AFAP1: variants seen among roughly 807,000 people sequenced by gnomAD.
AFAP1 encodes the protein actin filament associated protein 1.
A neutral mutation model predicts 93.9 loss-of-function variants in AFAP1; 75 were observed. The observed-to-expected ratio is 0.80, with a 90% confidence interval of 0.66 to 0.97. The LOEUF (loss-of-function observed/expected upper bound fraction) is 0.97. Ranked by LOEUF, AFAP1 falls within the 50% of genes least tolerant of loss-of-function variation. The pLI is 0.00. For missense variants in AFAP1, 1,201 were observed against 1,050.8 expected, an observed-to-expected ratio of 1.14 and a Z score of -1.98; for synonymous variants, 517 against 430.7, an observed-to-expected ratio of 1.20 and a Z score of -2.48.
At position 7,868,683 on chromosome 4, in the gene AFAP1, G is replaced by T; in HGVS notation, c.164C>A (p.Thr55Asn). 1.9e-6 allele frequency: 3 copies of T among 1,613,506 alleles called. No individual in the cohort carries two copies. Among genetic ancestry groups the T allele is most frequent in the Non-Finnish European group, 2.5e-6 (3 of 1,179,940 alleles). Residue 55 changes from threonine (T) to asparagine (N), a missense_variant, in exon 3 of 18, where the codon ACC becomes AAC. By Grantham distance (65) the Thr-to-Asn change is moderately conservative. Transcript: ENST00000420658. ...DVKDHAQKQE[T>N]ANSLPAPPQM... is the part of the protein sequence containing the mutation. ...AGGAGGGGCTGGCAGGCTGTTAGCG[G>T]TCTCCTGCTTCTGAGCATGGTCCTT...
intron 10 of AFAP1, among the ~76,000 whole-genome samples, chr4:7,798,201 T>G (rs1324163094): frequency 8.3e-6 from 1 of 120,908 alleles, no homozygotes; most frequent in Non-Finnish European, 1.8e-5. Context: ...CTCTATTGGC[T>G]GGCTCACGGC....
At chr4:7,779,514 A>T (rs1311412176) in intron 13 of AFAP1, among the ~76,000 whole-genome samples, 4 of 152,240 alleles carry the variant, frequency 2.6e-5, no homozygotes, top group Admixed American at 6.5e-5. Context: ...ATTTTGCTGA[A>T]GTGACCTTAT....
intron 16 of AFAP1, among the ~76,000 whole-genome samples, chr4:7,770,735 G>A (rs11938080): frequency 0.37 from 55,584 of 152,042 alleles, 12,776 homozygotes; most frequent in Non-Finnish European, 0.53. Flanking sequence ...AGGAAGCCCA[G>A]CCCCTCCACT....
intron 6 of AFAP1, among the ~76,000 whole-genome samples, chr4:7,834,717 G>A (rs1447321315): frequency 6.6e-6 from 1 of 152,218 alleles, no homozygotes; most frequent in Non-Finnish European, 1.5e-5. Context: ...CAATGGCTCA[G>A]TGGGAAGAGA....
In AFAP1 at chr4:7,823,363, A is replaced by G. The variant is rs143718186; in HGVS notation, c.727-4192T>C. Among the ~76,000 whole-genome samples the G allele has an allele frequency of 3.9e-3, 587 of 152,352 alleles. 5 individuals are homozygous for G. Among genetic ancestry groups the G allele is most frequent in the African/African-American group, 0.014 (564 of 41,578 alleles). On this transcript the variant is annotated intron_variant, in intron 6 of 17. Coordinates refer to ENST00000420658, the MANE Select transcript of AFAP1 (RefSeq NM_001134647.2). The stretch of plus-strand genomic sequence containing the variant: ...GAAAGAAACGTAGGCCATCACTAAA[A>G]TAAGAAGAGCCTCATGACCAAGCTT...
chr4:7,921,910 G>A (rs1445679249), intron 1 of AFAP1, among the ~76,000 whole-genome samples: 1 of 152,184 alleles, frequency 6.6e-6, no homozygotes, highest in Admixed American at 6.6e-5. Flanking sequence ...CGATCACGAG[G>A]CCAACAGATC....
chr4:7,794,009 G>C (rs187154433), intron 10 of AFAP1, among the ~76,000 whole-genome samples, 183 bp from the exon 11 acceptor site: 113 of 152,308 alleles, frequency 7.4e-4, no homozygotes, highest in African/African-American at 2.6e-3. Context: ...CCTTAATTTA[G>C]GAAGTGTCAT....
In AFAP1 at chr4:7,939,705, G is replaced by C. The variant is rs1721627664; in HGVS notation, c.-52C>G. 1 of 414,886 alleles carries C rather than the reference G, an allele frequency of 2.4e-6. No individual in the cohort carries two copies. Among genetic ancestry groups the C allele is most frequent in the South Asian group, 1.6e-5 (1 of 60,728 alleles). 25.7% of individuals were successfully genotyped at this position (414,886 alleles called of 1,614,324 possible). A position where few individuals can be genotyped will look rare whatever the true frequency, so the allele number is the denominator to read the frequency against. The stretch of plus-strand genomic sequence containing the variant: ...CGCTCCTCGCCGCGGCGCCTGGGCC[G>C]ACTGGAGCGCAGCTGAACAGCCGAC... On this transcript the variant is annotated 5_prime_UTR_variant, in exon 1 of 18. Coordinates refer to ENST00000420658, the MANE Select transcript of AFAP1 (RefSeq NM_001134647.2). The surrounding 1 kb of genome is among the most constrained non-coding windows in gnomAD (Gnocchi z 5.6).
At chr4:7,800,293 TG>T in intron 10 of AFAP1, 148 bp downstream of exon 10, 1 of 783,344 alleles carries the variant, frequency 1.3e-6, no homozygotes, top group Non-Finnish European at 2.1e-6. Context: ...ACTCATGGAC[TG>T]GGCAGTGAGA....
chr4:7,939,319 T>G lies in AFAP1; in HGVS notation c.-3+337A>C. On this transcript the variant is annotated intron_variant, in intron 1 of 17. Transcript: ENST00000420658. The surrounding 1 kb of genome is among the most constrained non-coding windows in gnomAD (Gnocchi z 5.6). Reference sequence around the variant, plus strand: ...GGTGACCCGGACCCCGCCCCACGAGTGGGTCTTCGCAGGGCCCCCTCTGAC... The same window carrying G: ...GGTGACCCGGACCCCGCCCCACGAGGGGGTCTTCGCAGGGCCCCCTCTGAC... 1 of 312,582 alleles carries G rather than the reference T, an allele frequency of 3.2e-6. No homozygotes were observed. The highest frequency in any genetic ancestry group is 2.4e-5 in the South Asian group (1 of 42,072). The allele number at this position is 312,582 out of a possible 1,614,324, so 19.4% of individuals were successfully genotyped here. A position where few individuals can be genotyped will look rare whatever the true frequency, so the allele number is the denominator to read the frequency against.
intron 1 of AFAP1, among the ~76,000 whole-genome samples, chr4:7,904,654 C>G (rs1409107500): frequency 6.6e-6 from 1 of 152,044 alleles, no homozygotes; most frequent in Non-Finnish European, 1.5e-5. Context: ...TAACTTTTCT[C>G]CAAACTTTCA....
chr4:7,769,907 A>G (rs2018399), intron 16 of AFAP1, among the ~76,000 whole-genome samples: 128,203 of 152,204 alleles, frequency 0.84, 54,236 homozygotes, highest in East Asian at 0.93. Context: ...GAGGGAGCTT[A>G]GGGTAGTAGT....
chr4:7,912,952 T>A (rs1225649763), intron 1 of AFAP1, among the ~76,000 whole-genome samples: 1 of 152,136 alleles, frequency 6.6e-6, no homozygotes, highest in Non-Finnish European at 1.5e-5. Flanking sequence ...GCTCAAGTTA[T>A]CCTCCTGCCT....
intron 10 of AFAP1, chr4:7,799,115 G>A (rs978686234): frequency 1.0e-6 from 1 of 982,996 alleles, no homozygotes; most frequent in East Asian, 1.1e-4. Flanking sequence ...GGTGGGTAAA[G>A]AAGCTGAGAG....
intron 6 of AFAP1, among the ~76,000 whole-genome samples, chr4:7,820,982 G>A (rs1292873433): frequency 6.6e-6 from 1 of 152,102 alleles, no homozygotes; most frequent in East Asian, 1.9e-4. Context: ...GCCGGGTGTG[G>A]TGGTACACGC....
At chr4:7,866,185 C>T (rs969103091) in intron 3 of AFAP1, among the ~76,000 whole-genome samples, 6 of 146,596 alleles carry the variant, frequency 4.1e-5, no homozygotes, top group African/African-American at 1.6e-4. Context: ...GTGTGAGCCA[C>T]TGCGCCCAGC....
chr4:7,868,046 G>T (rs28644432), intron 3 of AFAP1, among the ~76,000 whole-genome samples: 39,388 of 150,766 alleles, frequency 0.26, 5,342 homozygotes, highest in African/African-American at 0.32. Context: ...AGAAAAAGCT[G>T]AATGGTACAT....
chr4:7,924,931 G>A (rs1053749320), intron 1 of AFAP1, among the ~76,000 whole-genome samples: 1 of 151,924 alleles, frequency 6.6e-6, no homozygotes, highest in Non-Finnish European at 1.5e-5. Context: ...AGCCAAATAC[G>A]CCCCTAACCA....
chr4:7,804,091 C>A (rs901756135), intron 9 of AFAP1, among the ~76,000 whole-genome samples: 1 of 152,164 alleles, frequency 6.6e-6, no homozygotes, highest in Non-Finnish European at 1.5e-5. Flanking sequence ...CCTCTGGACC[C>A]CCCAATATTC....
Sources: allele counts gnomAD v4.1 joint callset (sites outside exome capture counted in the v4.1 genomes callset), GRCh38; gene constraint gnomAD v4.1.1; non-coding constraint Gnocchi (gnomAD v3.1); transcripts MANE v1.5; gene names NCBI Gene and HGNC (gene_info 2026-07-23, HGNC 2026-07-21).